Variants in NRXN3 observed in about 807,000 individuals in gnomAD.
The protein encoded by NRXN3 is neurexin 3, also known as neurexin III.
Under a neutral mutation model 137.6 loss-of-function variants are expected in NRXN3, and 32 were observed. That is an observed-to-expected ratio of 0.23 (90% CI 0.18 to 0.31). The LOEUF is 0.31. Ranked by LOEUF, NRXN3 falls within the 10% of genes least tolerant of loss-of-function variation. NRXN3 has a pLI of 1.00. For synonymous variants in NRXN3, 798 were observed against 784.5 expected (o/e 1.02, Z -0.29); for missense variants, 1,574 against 2,062.5 (o/e 0.76, Z 4.59).
At chr14:79,730,852 G>A (rs1415509389) in intron 19 of NRXN3, among the ~76,000 whole-genome samples, 2 of 152,144 alleles carry the variant, frequency 1.3e-5, no homozygotes, top group African/African-American at 2.4e-5. Context: ...CCTTAACCCG[G>A]TCAGTAAATT....
intron 10 of NRXN3, among the ~76,000 whole-genome samples, chr14:78,880,255 A>C (rs2099125234): frequency 6.6e-6 from 1 of 151,512 alleles, no homozygotes; most frequent in South Asian, 2.1e-4. Context: ...AAAAAAAAAA[A>C]AAAAAAAAGA....
intron 8 of NRXN3, among the ~76,000 whole-genome samples, chr14:78,757,396 A>G (rs1462349557): frequency 7.1e-6 from 1 of 141,606 alleles, no homozygotes; most frequent in East Asian, 2.1e-4. Context: ...CGACAGAGAG[A>G]GATTCCATCT....
rs534540736 is a variant in NRXN3 at position 78,497,606 on chromosome 14, C to T, written c.758-147514C>T. Among the ~76,000 whole-genome samples, 84 of 152,110 alleles carry T rather than the reference C, an allele frequency of 5.5e-4. 1 individual carries two copies. Among genetic ancestry groups the T allele is most frequent in the African/African-American group, 1.9e-3 (80 of 41,460 alleles). ...TTCATCCATCCATCCATCCATCCAT[C>T]CATCCATCCATCCATCCATCTATCC... On this transcript the variant is annotated intron_variant, in intron 4 of 20. Coordinates refer to ENST00000335750, the MANE Select transcript of NRXN3 (RefSeq NM_001330195.2).
chr14:78,792,540 C>T (rs2098808951), intron 8 of NRXN3, among the ~76,000 whole-genome samples: 1 of 152,082 alleles, frequency 6.6e-6, no homozygotes. Flanking sequence ...AGGTATCAAA[C>T]TGGAAAGTTT....
At chr14:78,963,440 A>G (rs996007068) in intron 11 of NRXN3, among the ~76,000 whole-genome samples, 1 of 151,778 alleles carries the variant, frequency 6.6e-6, no homozygotes, top group Non-Finnish European at 1.5e-5. Flanking sequence ...GATATTGACT[A>G]TGACTCCCCC....
chr14:79,264,125 T>C (rs965594044), intron 15 of NRXN3, among the ~76,000 whole-genome samples: 3 of 152,226 alleles, frequency 2.0e-5, no homozygotes, highest in African/African-American at 7.2e-5. Flanking sequence ...TCTTGCTCTG[T>C]TGCCCAGGCT....
intron 2 of NRXN3, among the ~76,000 whole-genome samples, chr14:78,268,031 C>G (rs1180434793): frequency 2.6e-5 from 4 of 152,118 alleles, no homozygotes; most frequent in Non-Finnish European, 5.9e-5. Flanking sequence ...TGTAAACCTC[C>G]CCAGCTTTTC....
intron 8 of NRXN3, among the ~76,000 whole-genome samples, chr14:78,778,726 C>A (rs1456062649): frequency 1.5e-5 from 2 of 131,958 alleles, no homozygotes; most frequent in African/African-American, 5.7e-5. Context: ...TTCTTTCTTT[C>A]TTTCTCTCTC....
chr14:78,244,195 C>T (rs1445835779), intron 2 of NRXN3, among the ~76,000 whole-genome samples: 4 of 152,062 alleles, frequency 2.6e-5, no homozygotes, highest in South Asian at 2.1e-4. Context: ...TTTGGGAGGC[C>T]GAAGCGGGCA....
At chr14:78,296,080 A>G (rs986508410) in intron 3 of NRXN3, among the ~76,000 whole-genome samples, 7 of 130,054 alleles carry the variant, frequency 5.4e-5, no homozygotes, top group African/African-American at 2.1e-4. Context: ...TTTTTTTGAG[A>G]CAAGGTCTTG....
intron 10 of NRXN3, among the ~76,000 whole-genome samples, chr14:78,926,695 T>TAA (rs1176120479): frequency 3.2e-5 from 3 of 92,480 alleles, no homozygotes. Context: ...GTAATATATA[T>TAA]AAAATATATA....
At chr14:78,779,617 A>T (rs1237693769) in intron 8 of NRXN3, among the ~76,000 whole-genome samples, 1 of 152,162 alleles carries the variant, frequency 6.6e-6, no homozygotes, top group Middle Eastern at 3.2e-3. Context: ...AATTTCCACA[A>T]GTTTGTTGGG....
At chr14:79,272,999 C>T (rs1359322560) in intron 15 of NRXN3, among the ~76,000 whole-genome samples, 5 of 151,308 alleles carry the variant, frequency 3.3e-5, no homozygotes, top group African/African-American at 1.2e-4. Context: ...GGTGAAACCC[C>T]ATCTCTACTA....
chr14:79,129,390 T>C (rs2152954363), intron 15 of NRXN3, among the ~76,000 whole-genome samples: 1 of 151,128 alleles, frequency 6.6e-6, no homozygotes, highest in Admixed American at 6.6e-5. Context: ...TTTGTTCTCG[T>C]TGGTTTCAAA....
At chr14:78,183,818 C>T (rs1325286432) in intron 1 of NRXN3, among the ~76,000 whole-genome samples, 2 of 152,118 alleles carry the variant, frequency 1.3e-5, no homozygotes, top group African/African-American at 4.8e-5. Flanking sequence ...ATGAGACTAA[C>T]ATTTGAAAGC....
chr14:79,192,573 G>A (rs1346403532), intron 15 of NRXN3, among the ~76,000 whole-genome samples: 1 of 151,912 alleles, frequency 6.6e-6, no homozygotes, highest in Non-Finnish European at 1.5e-5. Flanking sequence ...AACATTGAAA[G>A]GTAAAAGAAA....
rs192657849 is a variant in NRXN3, at chr14:79,758,447, C to A, written c.4015-46665C>A. On this transcript the variant is annotated intron_variant, in intron 19 of 20. Coordinates refer to ENST00000335750, the MANE Select transcript of NRXN3 (RefSeq NM_001330195.2). ...GATAGGAGGTTCAGGCAGTTTTTAACAATCAGATTTCATGAAAATAAAAGA... is the reference window on the plus strand; with the variant it reads ...GATAGGAGGTTCAGGCAGTTTTTAAAAATCAGATTTCATGAAAATAAAAGA... Among the ~76,000 whole-genome samples the A allele has an allele frequency of 2.8e-3, 429 of 152,114 alleles. 4 individuals are homozygous for A. Among genetic ancestry groups the A allele is most frequent in the African/African-American group, 9.3e-3 (384 of 41,508 alleles).
intron 15 of NRXN3, among the ~76,000 whole-genome samples, chr14:79,111,407 A>G (rs1003579512): frequency 6.6e-6 from 1 of 152,172 alleles, no homozygotes; most frequent in Non-Finnish European, 1.5e-5. Flanking sequence ...CTAGCTGCAC[A>G]AAGCCCTGAG....
intron 15 of NRXN3, among the ~76,000 whole-genome samples, chr14:79,139,871 G>C (rs1032025639): frequency 6.7e-6 from 1 of 150,228 alleles, no homozygotes; most frequent in Admixed American, 6.7e-5. Context: ...ATGCTCAAAG[G>C]CTTTCTTGGA....
Sources: gnomAD v4.1 joint callset for allele counts (sites outside exome capture counted in the v4.1 genomes callset) on GRCh38, gnomAD v4.1.1 for gene constraint, MANE v1.5 for transcripts, NCBI Gene and HGNC (gene_info 2026-07-23, HGNC 2026-07-21) for gene names.